The following EZH1 variants were observed in gnomAD, a reference collection of about 807,000 sequenced individuals.
EZH1 encodes the protein enhancer of zeste 1 polycomb repressive complex 2 subunit, also known as histone-lysine N-methyltransferase EZH1.
A neutral mutation model predicts 100.5 loss-of-function variants in EZH1; 33 were observed. The observed-to-expected ratio is 0.33, with a 90% CI of 0.25 to 0.44. The LOEUF is 0.44. Among genes scored for constraint, EZH1 ranks in the 20% least tolerant of loss-of-function variants. The pLI, the probability that EZH1 is intolerant of heterozygous loss-of-function variation, is 1.00. For missense variants in EZH1, 475 were observed against 928.4 expected, an observed-to-expected ratio of 0.51 and a Z score of 6.35; for synonymous variants, 272 against 313.8, an observed-to-expected ratio of 0.87 and a Z score of 1.41.
intron 14 of EZH1, among the ~76,000 whole-genome samples, 189 bp downstream of exon 14, chr17:42,708,687 T>A (rs2053411737): frequency 1.3e-5 from 2 of 152,138 alleles, no homozygotes; most frequent in South Asian, 2.1e-4. Flanking sequence ...CACAAGGCCC[T>A]TAATGTTACC....
At chr17:42,739,788 GT>G (rs1358954270) in intron 1 of EZH1, among the ~76,000 whole-genome samples, 47 of 146,000 alleles carry the variant, frequency 3.2e-4, no homozygotes, top group Admixed American at 3.4e-4. Flanking sequence ...AACAGGATTA[GT>G]TTTTTTTTTT....
At chr17:42,712,096 C>T (rs1030671573) in intron 12 of EZH1, among the ~76,000 whole-genome samples, 193 bp downstream of exon 12, 2 of 152,130 alleles carry the variant, frequency 1.3e-5, no homozygotes, top group Admixed American at 1.3e-4. Context: ...GGCGGGTCCC[C>T]AAACATCATT....
At position 42,700,411 on chromosome 17, in the gene EZH1, GA is replaced by G. The variant is rs1567978942; in HGVS notation, c.*2120del. On this transcript the variant is annotated 3_prime_UTR_variant, in exon 21 of 21. Coordinates refer to ENST00000428826, the MANE Select transcript of EZH1 (RefSeq NM_001991.5). ...GCCCCATCCATCATGACGTGGTGGG[GA>G]GGGGTTGAGACCCATCTTTAAAAGT... The G allele has an allele frequency of 1.3e-5, 2 of 152,832 alleles. No homozygotes were observed. 9.5% of individuals were successfully genotyped at this position (152,832 alleles called of 1,614,324 possible). A position where few individuals can be genotyped will look rare whatever the true frequency, so the allele number is the denominator to read the frequency against.
At position 42,718,461 on chromosome 17, in the gene EZH1, G is replaced by A. The variant is rs2053646583; in HGVS notation, c.924C>T (p.Phe308=). Residue 308 remains phenylalanine, a synonymous_variant, in exon 9 of 21, where the codon TTC becomes TTT. Transcript: ENST00000428826. This position sits in a 1 kb window ranked among gnomAD's most constrained non-coding sequence, Gnocchi z 4.2. The part of the protein sequence containing the change: ...FCRRCFKYDC[F]LHPFHATPNV... ...CAGAGTAGCCCCACTCACGGTGAAG[G>A]AAGCAGTCGTATTTAAAGCAGCGCC... 6.2e-7 allele frequency: 1 copy of A among 1,613,602 alleles called. No homozygotes were observed. The highest frequency in any genetic ancestry group is 1.7e-5 in the Admixed American group (1 of 60,010).
intron 4 of EZH1, among the ~76,000 whole-genome samples, chr17:42,725,143 G>A (rs906642690): frequency 2.0e-5 from 3 of 152,122 alleles, no homozygotes; most frequent in African/African-American, 4.8e-5. Flanking sequence ...CTCCAGCCTG[G>A]CGACATAGCG....
rs369890680 is a variant in EZH1, at chr17:42,712,400, C to T, written c.1290G>A (p.Glu430=). The change falls in exon 12 of 21, where the codon GAG becomes GAA. Residue 430 remains glutamate (E), a synonymous_variant. Coordinates refer to ENST00000428826, the MANE Select transcript of EZH1 (RefSeq NM_001991.5). ...PQLCVVEAPS[E]PVEWTGAEES... is the part of the protein sequence containing the mutation. ...CTTCAGCCCCAGTCCATTCCACAGGCTCCGAGGGTGCTTCCACTACGCAGA... is the reference window on the plus strand; with the variant it reads ...CTTCAGCCCCAGTCCATTCCACAGGTTCCGAGGGTGCTTCCACTACGCAGA... The T allele has an allele frequency of 2.1e-5, 34 of 1,614,072 alleles. No homozygotes were observed. Among genetic ancestry groups the T allele is most frequent in the Non-Finnish European group, 2.8e-5 (33 of 1,180,036 alleles).
chr17:42,702,413 T>C lies in EZH1; in HGVS notation c.*119A>G, dbSNP rs1285859052. The C allele has an allele frequency of 3.8e-6, 3 of 793,238 alleles. No individual in the cohort carries two copies. Among genetic ancestry groups the C allele is most frequent in the Non-Finnish European group, 6.0e-6 (3 of 498,698 alleles). 49.1% of individuals were successfully genotyped at this position (793,238 alleles called of 1,614,324 possible). ...GGCAGAGGCCTCACTACAGAGGGAG[T>C]GGGTTGGGGGGTTTCTCAGTGTGGG... On this transcript the variant is annotated 3_prime_UTR_variant, in exon 21 of 21. Coordinates refer to ENST00000428826, the MANE Select transcript of EZH1 (RefSeq NM_001991.5).
intron 2 of EZH1, 54 bp from the exon 3 acceptor site, chr17:42,729,006 C>T: frequency 6.9e-7 from 1 of 1,457,700 alleles, no homozygotes; most frequent in Non-Finnish European, 9.2e-7. Context: ...ATAAAGCATT[C>T]CTCAAATACA....
chr17:42,709,042 C>A, intron 13 of EZH1, 126 bp from the exon 14 acceptor site: 1 of 994,978 alleles, frequency 1.0e-6, no homozygotes, highest in South Asian at 1.4e-5. Context: ...TCCCAAACCC[C>A]TCAACAGGAC....
chr17:42,707,357 G>A (rs545896580), intron 15 of EZH1, among the ~76,000 whole-genome samples: 17 of 152,274 alleles, frequency 1.1e-4, no homozygotes, highest in Admixed American at 9.8e-4. Context: ...TGCCCTCTGG[G>A]TTCAAGCAGT....
chr17:42,704,446 C>T (rs537662135), intron 18 of EZH1, among the ~76,000 whole-genome samples, 156 bp downstream of exon 18: 7 of 151,938 alleles, frequency 4.6e-5, no homozygotes, highest in African/African-American at 1.7e-4. Context: ...GAGGCTGAGG[C>T]AGGAGAATCA....
intron 1 of EZH1, among the ~76,000 whole-genome samples, chr17:42,744,495 T>G (rs1299442748): frequency 6.6e-6 from 1 of 152,166 alleles, no homozygotes; most frequent in Non-Finnish European, 1.5e-5. Flanking sequence ...CTTTACACTT[T>G]GTGCCTTGGG....
intron 1 of EZH1, among the ~76,000 whole-genome samples, chr17:42,739,206 T>G (rs1315215502): frequency 1.3e-5 from 2 of 152,140 alleles, no homozygotes; most frequent in Admixed American, 6.6e-5. Flanking sequence ...CATCAACATT[T>G]CAATTAAAAT....
intron 12 of EZH1, among the ~76,000 whole-genome samples, chr17:42,711,620 T>G: frequency 6.7e-6 from 1 of 149,154 alleles, no homozygotes; most frequent in East Asian, 2.0e-4. Flanking sequence ...CACTCCAGCC[T>G]GGGCAACAGA....
chr17:42,718,682 G>A lies in EZH1; in HGVS notation c.768-65C>T, dbSNP rs1399328958. 5.1e-6 allele frequency: 8 copies of A among 1,566,560 alleles called. No homozygotes were observed. The highest frequency in any genetic ancestry group is 6.1e-6 in the Non-Finnish European group (7 of 1,144,534). On this transcript the variant is annotated intron_variant, in intron 8 of 20. Transcript: ENST00000428826. This position sits in a 1 kb window ranked among gnomAD's most constrained non-coding sequence, Gnocchi z 4.2. ...TGCCTCCACTGAGGAAATACAGATT[G>A]GGTACTGACAGTAGCTCACCTACGG...
At chr17:42,726,573 G>A (rs2053825660) in intron 4 of EZH1, among the ~76,000 whole-genome samples, 1 of 151,358 alleles carries the variant, frequency 6.6e-6, no homozygotes, top group Non-Finnish European at 1.5e-5. Context: ...GTACAATGGT[G>A]CCATCTCAGA....
At chr17:42,705,805 A>T in intron 16 of EZH1, 1 of 498,028 alleles carries the variant, frequency 2.0e-6, no homozygotes, top group Non-Finnish European at 3.3e-6. Flanking sequence ...GGCATGAGCC[A>T]CCACACCTGG....
At chr17:42,713,055 A>AAAAG (rs2053521311) in intron 11 of EZH1, among the ~76,000 whole-genome samples, 154 bp downstream of exon 11, 1 of 140,850 alleles carries the variant, frequency 7.1e-6, no homozygotes, top group African/African-American at 3.1e-5. Flanking sequence ...AAAAAAAAAA[A>AAAAG]AAAGAAAATA....
intron 1 of EZH1, among the ~76,000 whole-genome samples, chr17:42,741,266 C>G (rs2054170538): frequency 6.6e-6 from 1 of 152,218 alleles, no homozygotes; most frequent in African/African-American, 2.4e-5. Flanking sequence ...GTCGCCCAGG[C>G]TAGAGTACAG....
Sources: gnomAD v4.1 joint callset for allele counts (sites outside exome capture counted in the v4.1 genomes callset) on GRCh38, gnomAD v4.1.1 for gene constraint, Gnocchi (gnomAD v3.1) non-coding constraint, MANE v1.5 for transcripts, NCBI Gene and HGNC (gene_info 2026-07-23, HGNC 2026-07-21) for gene names.